ATP8B4: variants seen among roughly 807,000 people sequenced by gnomAD.
ATP8B4 encodes probable phospholipid-transporting ATPase IM.
Under a neutral mutation model 145.6 loss-of-function variants are expected in ATP8B4, and 133 were observed. That is an observed-to-expected ratio of 0.91 (90% CI 0.79 to 1.05). The LOEUF is 1.05. ATP8B4 is among the 50% of genes least tolerant of loss of function. The pLI, the probability that ATP8B4 is intolerant of heterozygous loss-of-function variation, is 0.00. For synonymous variants in ATP8B4, 507 were observed against 492.9 expected, an observed-to-expected ratio of 1.03 and a Z score of -0.38; for missense variants, 1,458 against 1,425.2, an observed-to-expected ratio of 1.02 and a Z score of -0.37.
intron 1 of ATP8B4, among the ~76,000 whole-genome samples, chr15:50,113,877 A>G (rs1407484858): frequency 6.7e-6 from 1 of 148,636 alleles, no homozygotes; most frequent in African/African-American, 2.5e-5. Flanking sequence ...CCAAATTTAT[A>G]AATGGCTTGC....
At chr15:49,959,869 C>T (rs1230375491) in intron 14 of ATP8B4, among the ~76,000 whole-genome samples, 6 of 151,952 alleles carry the variant, frequency 3.9e-5, no homozygotes, top group Non-Finnish European at 8.8e-5. Flanking sequence ...GATATTAACA[C>T]TTCCTAAGAT....
chr15:50,102,965 C>T (rs2056460946), intron 2 of ATP8B4, among the ~76,000 whole-genome samples: 1 of 151,934 alleles, frequency 6.6e-6, no homozygotes, highest in South Asian at 2.1e-4. Context: ...ATGTGATACA[C>T]CACATAAAGA....
At chr15:50,133,508 C>T (rs1009652008) in intron 1 of ATP8B4, among the ~76,000 whole-genome samples, 3 of 151,976 alleles carry the variant, frequency 2.0e-5, no homozygotes, top group Admixed American at 1.3e-4. Flanking sequence ...AGGTGAATCA[C>T]CTGAGTCTGG....
chr15:50,014,357 GAAT>G, intron 6 of ATP8B4, among the ~76,000 whole-genome samples: 1 of 152,238 alleles, frequency 6.6e-6, no homozygotes, highest in African/African-American at 2.4e-5. Flanking sequence ...TGAGGACTTA[GAAT>G]AATACCTAGT....
chr15:50,132,083 T>C (rs1269364817), intron 1 of ATP8B4, among the ~76,000 whole-genome samples: 2 of 152,112 alleles, frequency 1.3e-5, no homozygotes, highest in African/African-American at 2.4e-5. Flanking sequence ...CATTCAACAA[T>C]TGGCCTGTGG....
Position 49,931,249 on chromosome 15 carries a change from T to C in ATP8B4, c.1512A>G (p.Arg504=). Residue 504 remains arginine (R), a synonymous_variant, in exon 16 of 28, where the codon AGA becomes AGG. Transcript: ENST00000284509. ...PDEGALVTAA[R]NFGFIFKSRT... Reference sequence around the variant, plus strand: ...GGGATTTAAAAATGAACCCAAAATTTCTAGCGGCAGTCACTAGAGCCCCTT... The same window carrying C: ...GGGATTTAAAAATGAACCCAAAATTCCTAGCGGCAGTCACTAGAGCCCCTT... 6.2e-7 allele frequency: 1 copy of C among 1,612,764 alleles called. No individual in the cohort carries two copies. The highest frequency in any genetic ancestry group is 8.5e-7 in the Non-Finnish European group (1 of 1,179,240).
intron 3 of ATP8B4, among the ~76,000 whole-genome samples, chr15:50,066,044 G>A (rs957785238): frequency 1.3e-5 from 2 of 149,558 alleles, no homozygotes; most frequent in African/African-American, 4.9e-5. Context: ...ACTAAATTAG[G>A]GAAACAAGAA....
chr15:50,033,553 T>TTTTAATAA (rs1471797653), intron 6 of ATP8B4, among the ~76,000 whole-genome samples: 1 of 152,212 alleles, frequency 6.6e-6, no homozygotes, highest in Non-Finnish European at 1.5e-5. Context: ...CCATCTTATT[T>TTTTAATAA]TTTAATAATT....
chr15:50,032,629 A>G (rs1035638163), intron 6 of ATP8B4, among the ~76,000 whole-genome samples: 2 of 152,224 alleles, frequency 1.3e-5, no homozygotes, highest in Non-Finnish European at 2.9e-5. Flanking sequence ...AAAATTGAAA[A>G]CAAACATCCA....
rs1289820912 is a variant in ATP8B4, at chr15:49,862,321, G to T, written c.3221C>A (p.Thr1074Lys). The T allele has an allele frequency of 1.2e-6, 2 of 1,613,714 alleles. No individual in the cohort carries two copies. The highest frequency in any genetic ancestry group is 1.7e-5 in the Admixed American group (1 of 60,004). Residue 1074 changes from threonine (T) to lysine (K), a missense_variant, in exon 27 of 28, where the codon ACA becomes AAA. Transcript: ENST00000284509. ...QKCIWLVILL[T>K]TVASVMPVVA... The stretch of plus-strand genomic sequence containing the variant: ...CACTGGCATAACTGAAGCCACTGTT[G>T]TTAAGAGAATTACAAGCCAGATGCA...
Position 49,951,740 on chromosome 15 carries a change from G to A in ATP8B4, c.1287+10237C>T, listed in dbSNP as rs1178051353. Among the ~76,000 whole-genome samples the A allele has an allele frequency of 7.9e-5, 12 of 152,256 alleles. No individual in the cohort carries two copies. In the East Asian group the frequency reaches 2.3e-3, roughly 29 times the overall value. ...GTGAATTTGATCCTGTCATCATGAT[G>A]CTATTTGGTTATTTTGCACACTAGT... On this transcript the variant is annotated intron_variant, in intron 14 of 27. Transcript: ENST00000284509.
chr15:49,946,224 C>CA (rs1290036032), intron 14 of ATP8B4, among the ~76,000 whole-genome samples: 1 of 152,004 alleles, frequency 6.6e-6, no homozygotes, highest in Non-Finnish European at 1.5e-5. Flanking sequence ...AAGCAACCCC[C>CA]AAAAATGAAG....
chr15:49,945,191 A>C (rs1479595709), intron 14 of ATP8B4, among the ~76,000 whole-genome samples: 1 of 152,138 alleles, frequency 6.6e-6, no homozygotes, highest in East Asian at 1.9e-4. Flanking sequence ...AAGAAAAAAC[A>C]TGATGACAGA....
chr15:50,046,506 T>C (rs2051734103), intron 4 of ATP8B4, among the ~76,000 whole-genome samples: 1 of 152,260 alleles, frequency 6.6e-6, no homozygotes, highest in African/African-American at 2.4e-5. Flanking sequence ...ATGAATAATT[T>C]ATCTTTTGCT....
chr15:50,032,192 A>AC (rs1555462484), intron 6 of ATP8B4, among the ~76,000 whole-genome samples: 1 of 142,500 alleles, frequency 7.0e-6, no homozygotes, highest in African/African-American at 2.6e-5. Context: ...CTTGCCCCCC[A>AC]CCCCCTGACA....
At chr15:49,945,664 T>C (rs571401622) in intron 14 of ATP8B4, among the ~76,000 whole-genome samples, 4 of 152,288 alleles carry the variant, frequency 2.6e-5, no homozygotes, top group South Asian at 4.1e-4. Flanking sequence ...CAAAGTGGGA[T>C]TTATTCCTGG....
intron 23 of ATP8B4, chr15:49,896,391 A>G (rs2037400170): frequency 6.6e-6 from 1 of 152,204 alleles, no homozygotes. Context: ...TAGCACATGT[A>G]AGAAGAAGAT....
chr15:49,901,358 A>G (rs1599012349), intron 20 of ATP8B4, 119 bp from the exon 21 acceptor site: 2 of 1,050,280 alleles, frequency 1.9e-6, no homozygotes, highest in East Asian at 5.3e-5. Flanking sequence ...AGAATATGGC[A>G]TAAGACCCAG....
chr15:50,168,664 G>A (rs1304514751), intron 1 of ATP8B4, among the ~76,000 whole-genome samples: 2 of 152,202 alleles, frequency 1.3e-5, no homozygotes, highest in African/African-American at 2.4e-5. Context: ...AATTTGAATG[G>A]AGTGAAAAGC....
Sources: gnomAD v4.1 joint callset for allele counts (sites outside exome capture counted in the v4.1 genomes callset) on GRCh38, gnomAD v4.1.1 for gene constraint, MANE v1.5 for transcripts, NCBI Gene and HGNC (gene_info 2026-07-23, HGNC 2026-07-21) for gene names.